Variants in ERBB4 observed in about 807,000 individuals in gnomAD.
ERBB4 encodes the protein receptor tyrosine-protein kinase erbB-4.
In ERBB4, 42 loss-of-function variants were observed where a neutral mutation model predicts 158.0. The observed-to-expected ratio is 0.27, with a 90% CI of 0.21 to 0.34. The LOEUF (loss-of-function observed/expected upper bound fraction) is 0.34. ERBB4 is among the 10% of genes least tolerant of loss of function. The probability of loss-of-function intolerance (pLI) is 1.00; values close to 1 mark genes in which losing one functional copy is unlikely to be tolerated. For missense variants in ERBB4, 1,333 were observed against 1,624.1 expected, an observed-to-expected ratio of 0.82 and a Z score of 3.08; for synonymous variants, 583 against 558.7, an observed-to-expected ratio of 1.04 and a Z score of -0.61.
intron 1 of ERBB4, among the ~76,000 whole-genome samples, chr2:212,480,473 G>A (rs16848665): frequency 6.6e-5 from 10 of 152,294 alleles, no homozygotes; most frequent in Middle Eastern, 3.4e-3. Flanking sequence ...AAACTTCTAA[G>A]GATAGCTTGA....
intron 20 of ERBB4, among the ~76,000 whole-genome samples, chr2:211,557,241 CA>C (rs914171212): frequency 2.6e-5 from 4 of 152,050 alleles, no homozygotes; most frequent in Non-Finnish European, 5.9e-5. Flanking sequence ...AAAGGAATTG[CA>C]AGAAAAACAA....
chr2:211,853,478 C>G (rs2077769983), intron 3 of ERBB4, among the ~76,000 whole-genome samples: 1 of 152,024 alleles, frequency 6.6e-6, no homozygotes, highest in African/African-American at 2.4e-5. Flanking sequence ...TAACCTCTGG[C>G]AGATTCAGAC....
At chr2:211,528,710 G>A (rs1310350341) in intron 20 of ERBB4, among the ~76,000 whole-genome samples, 1 of 151,896 alleles carries the variant, frequency 6.6e-6, no homozygotes, top group Non-Finnish European at 1.5e-5. Context: ...AGAAATTTTT[G>A]AAATTATACA....
At chr2:212,191,865 TTA>T (rs1218549258) in intron 1 of ERBB4, among the ~76,000 whole-genome samples, 2 of 72,668 alleles carry the variant, frequency 2.8e-5, no homozygotes, top group African/African-American at 9.3e-5. Flanking sequence ...GTTCTATATA[TTA>T]TATATAATAC....
chr2:212,161,993 T>C (rs913729713), intron 1 of ERBB4, among the ~76,000 whole-genome samples: 4 of 151,838 alleles, frequency 2.6e-5, no homozygotes, highest in Admixed American at 6.6e-5. Context: ...TGTGAGAATA[T>C]AAAGTGTTGC....
chr2:211,648,216 C>T (rs889958136), intron 16 of ERBB4, among the ~76,000 whole-genome samples: 1 of 151,708 alleles, frequency 6.6e-6, no homozygotes, highest in Non-Finnish European at 1.5e-5. Context: ...TTTGAGTCTT[C>T]TCCATCTCAG....
chr2:211,655,297 G>T (rs929222041), intron 16 of ERBB4, among the ~76,000 whole-genome samples: 3 of 152,016 alleles, frequency 2.0e-5, no homozygotes, highest in Non-Finnish European at 4.4e-5. Flanking sequence ...TCCTTCCCCC[G>T]GGAAGCACGT....
chr2:212,509,691 CTT>C (rs1317473979), intron 1 of ERBB4, among the ~76,000 whole-genome samples: 1 of 151,992 alleles, frequency 6.6e-6, no homozygotes, highest in Non-Finnish European at 1.5e-5. Context: ...CAAATGAAAT[CTT>C]GTTTATGAAG....
intron 3 of ERBB4, among the ~76,000 whole-genome samples, chr2:211,840,512 A>C (rs1403368256): frequency 6.6e-6 from 1 of 152,118 alleles, no homozygotes. Flanking sequence ...GAGTTGATAG[A>C]TTTATGATCC....
intron 1 of ERBB4, among the ~76,000 whole-genome samples, chr2:212,297,468 A>G (rs1471501879): frequency 6.6e-6 from 1 of 151,932 alleles, no homozygotes; most frequent in South Asian, 2.1e-4. Context: ...AAAGCTAACA[A>G]TTCATAATTC....
intron 1 of ERBB4, among the ~76,000 whole-genome samples, chr2:212,329,298 A>T (rs973601045): frequency 1.3e-5 from 2 of 152,060 alleles, no homozygotes; most frequent in African/African-American, 4.8e-5. Context: ...TACTTAAAGA[A>T]TGTCATTTAT....
At position 212,345,861 on chromosome 2, in the gene ERBB4, G is replaced by T. The variant is rs374403073; in HGVS notation, c.82+192588C>A. ...GAATTTGGGTTCAAGATAAGTAATT[G>T]TCCAGTTCTGAGACCAATATATCTG... On this transcript the variant is annotated intron_variant, in intron 1 of 27. Transcript: ENST00000342788. Among the ~76,000 whole-genome samples, 5 of 152,200 alleles carry T rather than the reference G, an allele frequency of 3.3e-5. No individual in the cohort carries two copies. The East Asian group carries it at 9.7e-4, about 29-fold the overall frequency.
intron 1 of ERBB4, among the ~76,000 whole-genome samples, chr2:212,488,280 T>G (rs1387455643): frequency 6.6e-6 from 1 of 151,956 alleles, no homozygotes; most frequent in East Asian, 1.9e-4. Context: ...TTTGCTTTTT[T>G]TCCTACCTAT....
intron 2 of ERBB4, among the ~76,000 whole-genome samples, chr2:211,993,694 T>C (rs2082132573): frequency 6.6e-6 from 1 of 151,708 alleles, no homozygotes; most frequent in Non-Finnish European, 1.5e-5. Flanking sequence ...TGGTATGACA[T>C]TTTTGCCCCC....
intron 17 of ERBB4, among the ~76,000 whole-genome samples, chr2:211,628,343 G>C (rs535758208): frequency 6.6e-6 from 1 of 151,960 alleles, no homozygotes; most frequent in Admixed American, 6.5e-5. Flanking sequence ...AACAGGCCCC[G>C]GTGTGTGATG....
chr2:212,250,342 T>C (rs980166531), intron 1 of ERBB4, among the ~76,000 whole-genome samples: 1 of 151,830 alleles, frequency 6.6e-6, no homozygotes, highest in African/African-American at 2.4e-5. Flanking sequence ...GGGTGTGGAG[T>C]TTCCAACCTT....
chr2:212,354,255 C>T (rs900766520), intron 1 of ERBB4, among the ~76,000 whole-genome samples: 31 of 152,064 alleles, frequency 2.0e-4, no homozygotes, highest in African/African-American at 7.0e-4. Context: ...TAAATGTCTA[C>T]AGTCAGGAGC....
intron 2 of ERBB4, among the ~76,000 whole-genome samples, chr2:211,984,705 A>T (rs2081893203): frequency 6.6e-6 from 1 of 152,124 alleles, no homozygotes; most frequent in Non-Finnish European, 1.5e-5. Context: ...GAATAAAACA[A>T]CTTTCAGCCA....
chr2:212,163,011 G>C (rs547485838), intron 1 of ERBB4, among the ~76,000 whole-genome samples: 3 of 151,830 alleles, frequency 2.0e-5, no homozygotes, highest in Non-Finnish European at 4.4e-5. Context: ...ACTCACATCA[G>C]CATTCTTCTT....
Sources: allele counts gnomAD v4.1 joint callset (sites outside exome capture counted in the v4.1 genomes callset), GRCh38; gene constraint gnomAD v4.1.1; transcripts MANE v1.5; gene names NCBI Gene and HGNC (gene_info 2026-07-23, HGNC 2026-07-21).